SBNO1: variants seen among roughly 807,000 people sequenced by gnomAD.
SBNO1 encodes the protein protein strawberry notch homolog 1.
In SBNO1, 23 loss-of-function variants were observed where a neutral mutation model predicts 173.6. That is an observed-to-expected ratio of 0.13 (90% confidence interval 0.10 to 0.19). The LOEUF (loss-of-function observed/expected upper bound fraction) is 0.19. Among genes scored for constraint, SBNO1 ranks in the 10% least tolerant of loss-of-function variants. The probability of loss-of-function intolerance (pLI) is 1.00; values close to 1 mark genes in which losing one functional copy is unlikely to be tolerated. For synonymous variants in SBNO1, 632 were observed against 571.5 expected (o/e 1.11, Z -1.51); for missense variants, 1,238 against 1,671.2 (o/e 0.74, Z 4.52).
intron 21 of SBNO1, among the ~76,000 whole-genome samples, chr12:123,316,876 T>TA (rs747330972): frequency 3.2e-4 from 49 of 152,090 alleles, no homozygotes; most frequent in Non-Finnish European, 4.7e-4. Flanking sequence ...TTAATTTTTG[T>TA]ATTTTTAGTA....
In SBNO1 at chr12:123,300,349, C is replaced by T. The variant is rs900917801; in HGVS notation, c.3846-2178G>A. On this transcript the variant is annotated intron_variant, in intron 30 of 31. Transcript: ENST00000602398. Reference sequence around the variant, plus strand: ...GTGCTAGGAGCCACTGCACTGTCCCCAGAGGAAATGTTTTAGAAAATGTTT... The same window carrying T: ...GTGCTAGGAGCCACTGCACTGTCCCTAGAGGAAATGTTTTAGAAAATGTTT... Among the ~76,000 whole-genome samples, 31 of 152,116 alleles carry T rather than the reference C, an allele frequency of 2.0e-4. 1 individual carries two copies. The highest frequency in any genetic ancestry group is 1.0e-4 in the Non-Finnish European group (7 of 68,028).
intron 3 of SBNO1, among the ~76,000 whole-genome samples, chr12:123,347,166 A>G (rs188189169): frequency 5.7e-4 from 86 of 152,120 alleles, no homozygotes; most frequent in African/African-American, 2.0e-3. Context: ...CAAAAAGCAG[A>G]ACTAGAGAGA....
At chr12:123,362,046 G>A (rs1362273849) in intron 1 of SBNO1, among the ~76,000 whole-genome samples, 1 of 151,796 alleles carries the variant, frequency 6.6e-6, no homozygotes, top group Non-Finnish European at 1.5e-5. Context: ...GGCTGAGGCA[G>A]AATAACCGTT....
chr12:123,312,918 T>C (rs1220838434), intron 24 of SBNO1, among the ~76,000 whole-genome samples: 3 of 151,968 alleles, frequency 2.0e-5, no homozygotes, highest in Admixed American at 2.0e-4. Context: ...TAAAAGCTAT[T>C]TGGGGCTGGG....
rs1374106539 is a variant in SBNO1 at position 123,293,332 on chromosome 12, G to T, written c.*2576C>A. 1 of 152,188 alleles carries T rather than the reference G, an allele frequency of 6.6e-6. No individual in the cohort carries two copies. The highest frequency in any genetic ancestry group is 1.5e-5 in the Non-Finnish European group (1 of 68,050). The allele number at this position is 152,188 out of a possible 1,614,324, so 9.4% of individuals were successfully genotyped here. On this transcript the variant is annotated 3_prime_UTR_variant, in exon 32 of 32. Coordinates refer to ENST00000602398, the MANE Select transcript of SBNO1 (RefSeq NM_001167856.3). ...ACCTGCCTTGGCCTCCCGAAGTGCT[G>T]GGATTATAGGAGTGAGCCACCACGC...
At chr12:123,338,883 CA>C (rs1872177731) in intron 5 of SBNO1, among the ~76,000 whole-genome samples, 1 of 2,522 alleles carries the variant, frequency 4.0e-4, no homozygotes, top group African/African-American at 1.1e-3. Flanking sequence ...CACACACACA[CA>C]CACACCCCGA....
rs543421120 is a variant in SBNO1 at position 123,303,463 on chromosome 12, T to C, written c.3769-563A>G. Among the ~76,000 whole-genome samples the C allele has an allele frequency of 5.9e-5, 9 of 151,920 alleles. No homozygotes were observed. In the South Asian group the frequency reaches 1.0e-3, roughly 18 times the overall value. On this transcript the variant is annotated intron_variant, in intron 29 of 31. Coordinates refer to ENST00000602398, the MANE Select transcript of SBNO1 (RefSeq NM_001167856.3). ...GAGTTCAAGACCAGCCTGGCTAACA[T>C]GGTGAAATTCCGTCTCTACTAAACA...
intron 24 of SBNO1, 110 bp from the exon 25 acceptor site, chr12:123,311,239 C>A (rs555665344): frequency 5.4e-6 from 4 of 745,980 alleles, no homozygotes; most frequent in African/African-American, 1.8e-5. Flanking sequence ...TAAAAAAACA[C>A]CTTGATATTT....
intron 28 of SBNO1, among the ~76,000 whole-genome samples, chr12:123,307,448 A>T (rs556790584): frequency 6.6e-6 from 1 of 152,352 alleles, no homozygotes; most frequent in African/African-American, 2.4e-5. Context: ...ACCTTCATAG[A>T]AAAAGTTTAG....
rs2048521253 is a variant in SBNO1, at chr12:123,292,121, G to C, written c.*3787C>G. On this transcript the variant is annotated 3_prime_UTR_variant, in exon 32 of 32. Coordinates refer to ENST00000602398, the MANE Select transcript of SBNO1 (RefSeq NM_001167856.3). ...AGTGGGCCGAGCGCAGTACGCACAG[G>C]TGTGGTGTTAGCCAGGGAGACCGAA... 1 of 152,004 alleles carries C rather than the reference G, an allele frequency of 6.6e-6. No homozygotes were observed. Among genetic ancestry groups the C allele is most frequent in the Non-Finnish European group, 1.5e-5 (1 of 68,034 alleles). The allele number at this position is 152,004 out of a possible 1,614,324, so 9.4% of individuals were successfully genotyped here.
intron 29 of SBNO1, among the ~76,000 whole-genome samples, chr12:123,304,177 C>T (rs749166414): frequency 2.6e-5 from 4 of 152,094 alleles, no homozygotes; most frequent in Middle Eastern, 3.2e-3. Context: ...GTGATCCAAC[C>T]GCCTTGGCCT....
At chr12:123,352,815 G>A (rs1874038652) in intron 1 of SBNO1, among the ~76,000 whole-genome samples, 1 of 151,790 alleles carries the variant, frequency 6.6e-6, no homozygotes, top group Non-Finnish European at 1.5e-5. Context: ...GAGATTTTTT[G>A]GAGACGGAGT....
intron 3 of SBNO1, among the ~76,000 whole-genome samples, chr12:123,346,470 C>T (rs1269486446): frequency 1.3e-5 from 2 of 151,730 alleles, no homozygotes; most frequent in South Asian, 2.1e-4. Context: ...CGAGACCATC[C>T]TGGCTAACAC....
chr12:123,306,196 T>C (rs2048909506), intron 28 of SBNO1, among the ~76,000 whole-genome samples: 1 of 152,200 alleles, frequency 6.6e-6, no homozygotes, highest in African/African-American at 2.4e-5. Flanking sequence ...ACAGGAAATA[T>C]CCAAACCTAT....
chr12:123,314,762 C>A (rs916018943), intron 23 of SBNO1, among the ~76,000 whole-genome samples: 4 of 152,168 alleles, frequency 2.6e-5, no homozygotes, highest in Admixed American at 2.6e-4. Context: ...CATGCCACCA[C>A]GCCCATCTAA....
At chr12:123,325,028 C>T (rs1394244880) in intron 15 of SBNO1, among the ~76,000 whole-genome samples, 1 of 152,052 alleles carries the variant, frequency 6.6e-6, no homozygotes, top group Non-Finnish European at 1.5e-5. Flanking sequence ...CCAGGCTGGT[C>T]TCAAACTACT....
chr12:123,348,247 A>C (rs1390408532), intron 2 of SBNO1, 114 bp from the exon 3 acceptor site: 11 of 559,698 alleles, frequency 2.0e-5, no homozygotes, highest in Non-Finnish European at 3.3e-5. Flanking sequence ...ACTGACGTTA[A>C]ATCACTAACA....
At chr12:123,315,337 C>G in intron 23 of SBNO1, 36 bp downstream of exon 23, 1 of 1,505,306 alleles carries the variant, frequency 6.6e-7, no homozygotes, top group Non-Finnish European at 9.2e-7. Flanking sequence ...CATACACTAT[C>G]ACAAGTTTTC....
intron 2 of SBNO1, chr12:123,348,967 A>T (rs1421379979): frequency 2.1e-5 from 3 of 142,848 alleles, no homozygotes; most frequent in Admixed American, 6.9e-5. Context: ...CTCAAGAAAA[A>T]AAAATTTTTT....
Sources: allele counts gnomAD v4.1 joint callset (sites outside exome capture counted in the v4.1 genomes callset), GRCh38; gene constraint gnomAD v4.1.1; transcripts MANE v1.5; gene names NCBI Gene and HGNC (gene_info 2026-07-23, HGNC 2026-07-21).